The following IQGAP2 variants were observed in gnomAD, a reference collection of about 807,000 sequenced individuals.
The protein encoded by IQGAP2 is IQ motif containing GTPase activating protein 2.
Under a neutral mutation model 201.3 loss-of-function variants are expected in IQGAP2, and 173 were observed. The observed-to-expected ratio is 0.86, with a 90% confidence interval of 0.76 to 0.98. The LOEUF is 0.98. Ranked by LOEUF, IQGAP2 falls within the 50% of genes least tolerant of loss-of-function variation. The pLI is 0.00. For missense variants in IQGAP2, 1,687 were observed against 1,864.8 expected, an observed-to-expected ratio of 0.90 and a Z score of 1.76; for synonymous variants, 675 against 673.9, an observed-to-expected ratio of 1.00 and a Z score of -0.03.
rs1026450322 is a variant in IQGAP2, at chr5:76,600,752, C to A, written c.1072-60C>A. 5 of 1,567,208 alleles carry A rather than the reference C, an allele frequency of 3.2e-6. No individual in the cohort carries two copies. In the African/African-American group the frequency reaches 6.8e-5, roughly 21 times the overall value. On this transcript the variant is annotated intron_variant, in intron 10 of 35. Coordinates refer to ENST00000274364, the MANE Select transcript of IQGAP2 (RefSeq NM_006633.5). ...TTGTTGAAATGTGCATTGTAAACCT[C>A]CATCATGCACATGAGGTGTGTTGTG...
In IQGAP2 at chr5:76,410,464, G is replaced by A. The variant is rs552826329; in HGVS notation, c.46+6873G>A. 2.6e-5 allele frequency among the ~76,000 whole-genome samples: 4 copies of A among 152,310 alleles called. No homozygotes were observed. In the South Asian group the frequency reaches 8.3e-4, roughly 32 times the overall value. On this transcript the variant is annotated intron_variant, in intron 1 of 35. Coordinates refer to ENST00000274364, the MANE Select transcript of IQGAP2 (RefSeq NM_006633.5). The stretch of plus-strand genomic sequence containing the variant: ...ACATGGGTGAGTGGCCCAGTGAAGT[G>A]AGTGACAGGGGAGGCAGGTGTGGCA...
chr5:76,511,703 C>T (rs1217019986), intron 2 of IQGAP2, among the ~76,000 whole-genome samples: 3 of 142,784 alleles, frequency 2.1e-5, no homozygotes, highest in East Asian at 2.0e-4. Flanking sequence ...TTTTTTGAGA[C>T]GGAGTCTCGC....
chr5:76,705,741 A>G (rs1168873322), intron 35 of IQGAP2, among the ~76,000 whole-genome samples: 1 of 152,206 alleles, frequency 6.6e-6, no homozygotes, highest in African/African-American at 2.4e-5. Context: ...TGGAGGAGGA[A>G]GCTGCCAAGA....
chr5:76,433,189 T>A (rs1364670844), intron 1 of IQGAP2, among the ~76,000 whole-genome samples: 1 of 152,202 alleles, frequency 6.6e-6, no homozygotes, highest in African/African-American at 2.4e-5. Flanking sequence ...TGCTTTTTAG[T>A]TTAGTTGGGT....
intron 5 of IQGAP2, among the ~76,000 whole-genome samples, chr5:76,581,411 A>G (rs947581216): frequency 6.6e-6 from 1 of 152,230 alleles, no homozygotes; most frequent in African/African-American, 2.4e-5. Context: ...CTCAGAAGGG[A>G]TATCTGGAGA....
chr5:76,616,298 A>G (rs1748961538), intron 13 of IQGAP2: 1 of 152,442 alleles, frequency 6.6e-6, no homozygotes, highest in South Asian at 2.1e-4. Context: ...CGTTAGGACT[A>G]GCTTTTCAGT....
intron 9 of IQGAP2, among the ~76,000 whole-genome samples, chr5:76,595,282 T>C (rs1266293940): frequency 7.4e-6 from 1 of 134,694 alleles, no homozygotes; most frequent in East Asian, 2.5e-4. Flanking sequence ...CCGGACAGGG[T>C]CTTATTCTAT....
chr5:76,701,794 C>T (rs1747419175), intron 34 of IQGAP2: 1 of 152,652 alleles, frequency 6.6e-6, no homozygotes, highest in Non-Finnish European at 1.5e-5. Context: ...CAAAGCCTGA[C>T]TTCTGTTTAT....
chr5:76,706,964 A>ACCCCCATCTAAAT (rs1236153694), intron 35 of IQGAP2, among the ~76,000 whole-genome samples: 1 of 152,040 alleles, frequency 6.6e-6, no homozygotes, highest in Non-Finnish European at 1.5e-5. Flanking sequence ...AAGTTTTAGA[A>ACCCCCATCTAAAT]CCCCCATCTA....
At chr5:76,683,058 A>G (rs1320456640) in intron 28 of IQGAP2, 57 bp from the exon 29 acceptor site, 3 of 1,003,692 alleles carry the variant, frequency 3.0e-6, no homozygotes, top group Non-Finnish European at 4.5e-6. Context: ...TCATATAAAT[A>G]TGGTACAGTT....
chr5:76,549,320 A>AGTGT (rs35060845), intron 2 of IQGAP2, among the ~76,000 whole-genome samples: 23,903 of 147,664 alleles, frequency 0.16, 2,032 homozygotes, highest in Admixed American at 0.27. Flanking sequence ...CGAGCTCTGG[A>AGTGT]GTGTGTGTGT....
rs748761796 is a variant in IQGAP2, at chr5:76,631,888, T to G, written c.1642T>G (p.Cys548Gly). 8.1e-6 allele frequency: 13 copies of G among 1,607,686 alleles called. No homozygotes were observed. The South Asian group carries it at 1.3e-4, about 17-fold the overall frequency. Residue 548 changes from cysteine to glycine, a missense_variant, in exon 15 of 36, where the codon TGT becomes GGT. Physicochemically the swap from Cys to Gly is radical, Grantham distance 159. Transcript: ENST00000274364. Reference sequence around the variant, plus strand: ...TACTCTGGTGGTTGATGTTAATCAGTGTTTGGAAGGAAAAAAATCAAGTGA... The same window carrying G: ...TACTCTGGTGGTTGATGTTAATCAGGGTTTGGAAGGAAAAAAATCAAGTGA... ...WVTLVVDVNQ[C>G]LEGKKSSDIL...
At chr5:76,595,304 G>T (rs1746949106) in intron 9 of IQGAP2, among the ~76,000 whole-genome samples, 1 of 126,612 alleles carries the variant, frequency 7.9e-6, no homozygotes, top group Non-Finnish European at 1.6e-5. Flanking sequence ...GCCCAGTCTG[G>T]TGTTAAACTC....
chr5:76,532,212 A>G (rs1014493411), intron 2 of IQGAP2, among the ~76,000 whole-genome samples: 2 of 152,234 alleles, frequency 1.3e-5, no homozygotes, highest in African/African-American at 4.8e-5. Context: ...GTTTCCTAAT[A>G]GAAACCATAT....
chr5:76,654,995 A>C lies in IQGAP2; in HGVS notation c.2312A>C (p.Lys771Thr). The C allele has an allele frequency of 6.2e-7, 1 of 1,609,964 alleles. No individual in the cohort carries two copies. Among genetic ancestry groups the C allele is most frequent in the Non-Finnish European group, 8.5e-7 (1 of 1,176,518 alleles). The change falls in exon 20 of 36, where the codon AAA (lysine) becomes ACA (threonine). Residue 771 changes from lysine to threonine, a missense_variant. Transcript: ENST00000274364. The part of the protein sequence containing the change: ...LRANKARDDY[K>T]TLVGSENPPL... Reference sequence around the variant, plus strand: ...GCGAACAAAGCTAGAGATGACTACAAAACATTGGGTAAGTGAGAGCTTTCT... The same window carrying C: ...GCGAACAAAGCTAGAGATGACTACACAACATTGGGTAAGTGAGAGCTTTCT...
intron 5 of IQGAP2, among the ~76,000 whole-genome samples, chr5:76,585,205 T>C (rs1348236050): frequency 2.0e-5 from 3 of 152,158 alleles, no homozygotes; most frequent in African/African-American, 7.2e-5. Flanking sequence ...GATAGAAAAA[T>C]GTAAAAGTAT....
intron 2 of IQGAP2, among the ~76,000 whole-genome samples, chr5:76,490,387 C>T (rs1475045622): frequency 1.3e-5 from 2 of 152,146 alleles, no homozygotes; most frequent in Non-Finnish European, 2.9e-5. Context: ...GTTAATAAAC[C>T]GCCATCACCC....
At chr5:76,423,775 A>G (rs1349602288) in intron 1 of IQGAP2, among the ~76,000 whole-genome samples, 1 of 152,200 alleles carries the variant, frequency 6.6e-6, no homozygotes, top group Non-Finnish European at 1.5e-5. Context: ...GTGGGCACTG[A>G]GCTAGTGAGA....
intron 20 of IQGAP2, among the ~76,000 whole-genome samples, chr5:76,656,219 T>C (rs1752903038): frequency 1.1e-5 from 1 of 87,652 alleles, no homozygotes; most frequent in African/African-American, 4.3e-5. Context: ...TTGTTTTTTG[T>C]TTTTTGTTTT....
Sources: gnomAD v4.1 joint callset for allele counts (sites outside exome capture counted in the v4.1 genomes callset) on GRCh38, gnomAD v4.1.1 for gene constraint, MANE v1.5 for transcripts, NCBI Gene and HGNC (gene_info 2026-07-23, HGNC 2026-07-21) for gene names.